Variants in PACRG observed in about 807,000 individuals in gnomAD.
PACRG encodes the protein parkin coregulated, also known as parkin coregulated gene protein.
Under a neutral mutation model 29.7 loss-of-function variants are expected in PACRG, and 29 were observed. The ratio of observed to expected loss-of-function variants is 0.98; its 90% CI spans 0.73 to 1.33. The LOEUF (loss-of-function observed/expected upper bound fraction) is 1.33. Among genes scored for constraint, PACRG ranks in the 40% most tolerant of loss-of-function variants. The pLI, the probability that PACRG is intolerant of heterozygous loss-of-function variation, is 0.00. For missense variants in PACRG, 279 were observed against 316.2 expected, an observed-to-expected ratio of 0.88 and a Z score of 0.89; for synonymous variants, 116 against 118.7, an observed-to-expected ratio of 0.98 and a Z score of 0.15.
At chr6:162,743,236 T>C (rs1459753318) in intron 1 of PACRG, among the ~76,000 whole-genome samples, 1 of 152,226 alleles carries the variant, frequency 6.6e-6, no homozygotes, top group Admixed American at 6.5e-5. Flanking sequence ...ATTGAGTTAT[T>C]TGAGTTCATG....
chr6:163,083,041 A>G (rs1370055082), intron 3 of PACRG, among the ~76,000 whole-genome samples: 2 of 152,204 alleles, frequency 1.3e-5, no homozygotes, highest in Non-Finnish European at 2.9e-5. Context: ...GGTGTCTATC[A>G]GGGCGTCTCC....
chr6:162,839,200 A>G (rs9365495), intron 2 of PACRG, among the ~76,000 whole-genome samples: 9,083 of 74,536 alleles, frequency 0.12, 503 homozygotes, highest in Middle Eastern at 0.24. Context: ...CTAGTTTACA[A>G]TCCCACCAAC....
intron 4 of PACRG, among the ~76,000 whole-genome samples, chr6:163,122,285 T>TCACA (rs1816316202): frequency 3.4e-5 from 3 of 87,586 alleles, no homozygotes; most frequent in East Asian, 8.8e-4. Context: ...TTTAACGCAT[T>TCACA]TACACACACA....
intron 4 of PACRG, among the ~76,000 whole-genome samples, chr6:163,203,750 C>T (rs1283771281): frequency 1.3e-5 from 2 of 152,206 alleles, no homozygotes; most frequent in Non-Finnish European, 2.9e-5. Context: ...CAGTTCTGGT[C>T]TTGTAGTTTC....
At chr6:163,258,835 T>G (rs1783216864) in intron 4 of PACRG, among the ~76,000 whole-genome samples, 1 of 152,120 alleles carries the variant, frequency 6.6e-6, no homozygotes, top group Non-Finnish European at 1.5e-5. Context: ...CTTGGAGAAC[T>G]GGCTACCAAC....
intron 4 of PACRG, among the ~76,000 whole-genome samples, chr6:163,128,985 GAGAATTCTC>G: frequency 6.6e-6 from 1 of 152,212 alleles, no homozygotes; most frequent in Non-Finnish European, 1.5e-5. Context: ...TTAAGTATAA[GAGAATTCTC>G]AATATTTTAA....
chr6:163,004,701 AGTGTGT>A (rs374627693), intron 2 of PACRG, among the ~76,000 whole-genome samples: 10 of 131,482 alleles, frequency 7.6e-5, no homozygotes, highest in East Asian at 2.4e-4. Context: ...ACAAAGTTCT[AGTGTGT>A]GTGTGTGTGT....
At position 163,088,485 on chromosome 6, in the gene PACRG, A is replaced by G. The variant is rs1050504036; in HGVS notation, c.464-774A>G. On this transcript the variant is annotated intron_variant, in intron 3 of 4. Transcript: ENST00000366888. ...CAAGAAAGTGCCAGTAAGTTGGCCAACCTCGCACAGCCAGTTATCAGCATC... is the reference window on the plus strand; with the variant it reads ...CAAGAAAGTGCCAGTAAGTTGGCCAGCCTCGCACAGCCAGTTATCAGCATC... Among the ~76,000 whole-genome samples the G allele has an allele frequency of 9.9e-5, 15 of 152,226 alleles. 1 individual carries two copies. In the South Asian group the frequency reaches 1.2e-3, roughly 13 times the overall value.
intron 3 of PACRG, among the ~76,000 whole-genome samples, chr6:163,074,318 G>T (rs990019504): frequency 2.6e-5 from 4 of 152,122 alleles, no homozygotes; most frequent in African/African-American, 7.2e-5. Flanking sequence ...AATAAGCCAG[G>T]TGCAAAAAAG....
At chr6:163,195,904 T>C (rs757641936) in intron 4 of PACRG, among the ~76,000 whole-genome samples, 1 of 152,144 alleles carries the variant, frequency 6.6e-6, no homozygotes, top group Admixed American at 6.5e-5. Context: ...GGGATCTCTC[T>C]CACTCATTCC....
chr6:162,947,342 A>AATCATATGTTATATATATATCATAT (rs1562765529), intron 2 of PACRG, among the ~76,000 whole-genome samples: 1 of 13,382 alleles, frequency 7.5e-5, no homozygotes, highest in Non-Finnish European at 4.2e-4. Flanking sequence ...TCATATATAT[A>AATCATATGTTATATATATATCATAT]ATGATTACAT....
intron 4 of PACRG, among the ~76,000 whole-genome samples, chr6:163,113,393 C>T (rs1815814868): frequency 6.6e-6 from 1 of 152,012 alleles, no homozygotes; most frequent in Admixed American, 6.6e-5. Flanking sequence ...ATGTAAACAT[C>T]CAAGAAGTTC....
chr6:163,168,418 G>T (rs60512818), intron 4 of PACRG, among the ~76,000 whole-genome samples: 2,857 of 152,216 alleles, frequency 0.019, 91 homozygotes, highest in African/African-American at 0.065. Context: ...CGGGTTGGGG[G>T]TGGGGGTGGA....
At chr6:163,297,796 A>C (rs549831812) in intron 4 of PACRG, among the ~76,000 whole-genome samples, 1 of 152,028 alleles carries the variant, frequency 6.6e-6, no homozygotes, top group African/African-American at 2.4e-5. Flanking sequence ...CTGATTAGCG[A>C]CCCCTCACAG....
intron 2 of PACRG, among the ~76,000 whole-genome samples, chr6:162,913,946 T>G (rs1001424082): frequency 6.6e-6 from 1 of 151,338 alleles, no homozygotes; most frequent in Admixed American, 6.6e-5. Context: ...TGTTAAGTTG[T>G]AAGCATTCTT....
intron 2 of PACRG, among the ~76,000 whole-genome samples, chr6:162,861,943 C>T (rs1791896455): frequency 6.6e-6 from 1 of 152,034 alleles, no homozygotes; most frequent in Non-Finnish European, 1.5e-5. Flanking sequence ...TTTCTGTATC[C>T]ACTAGGGTCT....
chr6:162,881,560 G>A (rs1793841013), intron 2 of PACRG, among the ~76,000 whole-genome samples: 1 of 152,122 alleles, frequency 6.6e-6, no homozygotes. Flanking sequence ...AACACAGGGA[G>A]CACTCTTCAC....
chr6:163,279,338 G>T (rs1159330071), intron 4 of PACRG, among the ~76,000 whole-genome samples: 1 of 152,086 alleles, frequency 6.6e-6, no homozygotes. Context: ...TCTTTCTCTT[G>T]TCTGATTGCT....
intron 4 of PACRG, among the ~76,000 whole-genome samples, chr6:163,235,935 T>G (rs954306317): frequency 1.3e-5 from 2 of 151,268 alleles, no homozygotes; most frequent in Non-Finnish European, 2.9e-5. Flanking sequence ...AAAAAAGTTG[T>G]TTTTTTTGTT....
Sources: allele counts gnomAD v4.1 joint callset (sites outside exome capture counted in the v4.1 genomes callset), GRCh38; gene constraint gnomAD v4.1.1; transcripts MANE v1.5; gene names NCBI Gene and HGNC (gene_info 2026-07-23, HGNC 2026-07-21).